ENTPD5: variants seen among roughly 807,000 people sequenced by gnomAD.
The protein encoded by ENTPD5 is ectonucleoside triphosphate diphosphohydrolase 5 (inactive).
Under a neutral mutation model 60.2 loss-of-function variants are expected in ENTPD5, and 49 were observed. The observed-to-expected ratio is 0.81, with a 90% CI of 0.65 to 1.03. The LOEUF is 1.03. ENTPD5 is among the 50% of genes least tolerant of loss of function. The pLI is 0.00. For synonymous variants in ENTPD5, 187 were observed against 185.4 expected, an observed-to-expected ratio of 1.01 and a Z score of -0.07; for missense variants, 480 against 507.6, an observed-to-expected ratio of 0.95 and a Z score of 0.52.
At chr14:73,998,357 G>A (rs942067938) in intron 3 of ENTPD5, among the ~76,000 whole-genome samples, 1 of 152,100 alleles carries the variant, frequency 6.6e-6, no homozygotes, top group African/African-American at 2.4e-5. Context: ...GCTCAGGGCT[G>A]CCTTTGCTCA....
downstream of ENTPD5, chr14:73,956,072 C>T: frequency 1.7e-6 from 2 of 1,207,808 alleles, no homozygotes; most frequent in Non-Finnish European, 2.4e-6. Context: ...CGCCTGTAAT[C>T]CCAGCACTTT....
chr14:74,006,654 C>T (rs144261147), intron 3 of ENTPD5, among the ~76,000 whole-genome samples: 147 of 150,848 alleles, frequency 9.7e-4, no homozygotes, highest in African/African-American at 3.2e-3. Context: ...GGTGCAGACA[C>T]AGCTCACTGC....
At chr14:73,955,958 A>C, downstream of ENTPD5, 1 of 1,613,572 alleles carries the variant, frequency 6.2e-7, no homozygotes, top group East Asian at 2.2e-5. Flanking sequence ...CCTTGCATTC[A>C]TTGGGAAGTG....
chr14:74,017,776 G>A (rs1390461685), intron 1 of ENTPD5, among the ~76,000 whole-genome samples: 1 of 148,264 alleles, frequency 6.7e-6, no homozygotes, highest in African/African-American at 2.5e-5. Context: ...GTCTGTTACT[G>A]GGGAGGCTGA....
intron 15 of ENTPD5, among the ~76,000 whole-genome samples, chr14:73,967,818 GA>G (rs79071732): frequency 2.7e-5 from 3 of 109,432 alleles, no homozygotes; most frequent in Non-Finnish European, 4.0e-5. Context: ...AAAAAAAAAA[GA>G]AAAAAAAAGA....
chr14:73,979,149 C>T (rs73301457), intron 6 of ENTPD5, among the ~76,000 whole-genome samples: 1,818 of 152,282 alleles, frequency 0.012, 33 homozygotes, highest in African/African-American at 0.042. Context: ...CCACAAATGT[C>T]TTGTGTAACT....
intron 3 of ENTPD5, among the ~76,000 whole-genome samples, chr14:73,991,416 C>T (rs1229651114): frequency 1.3e-5 from 2 of 151,882 alleles, no homozygotes; most frequent in Non-Finnish European, 2.9e-5. Context: ...GGTGAAACCC[C>T]CGTCTCTACT....
At chr14:73,992,741 G>A (rs2058186559) in intron 3 of ENTPD5, among the ~76,000 whole-genome samples, 1 of 151,434 alleles carries the variant, frequency 6.6e-6, no homozygotes, top group Non-Finnish European at 1.5e-5. Flanking sequence ...GGTGGCGCAC[G>A]CCTATCATCT....
At chr14:73,980,718 T>G (rs981368282) in intron 6 of ENTPD5, among the ~76,000 whole-genome samples, 5 of 152,238 alleles carry the variant, frequency 3.3e-5, no homozygotes, top group African/African-American at 9.6e-5. Flanking sequence ...ATAATGAGAT[T>G]CTGCTTATAT....
intron 3 of ENTPD5, among the ~76,000 whole-genome samples, chr14:73,990,500 AT>A (rs1345015845): frequency 1.3e-5 from 2 of 150,650 alleles, no homozygotes; most frequent in East Asian, 2.0e-4. Context: ...ATACCTGGCT[AT>A]TTTTTTTATT....
At chr14:74,014,145 T>C (rs1438211099) in intron 2 of ENTPD5, among the ~76,000 whole-genome samples, 1 of 152,182 alleles carries the variant, frequency 6.6e-6, no homozygotes, top group African/African-American at 2.4e-5. Context: ...CAGTAGTTAA[T>C]GATTATTTGT....
At position 73,966,132 on chromosome 14, in the gene ENTPD5, A is replaced by C. The variant is rs1214574478; in HGVS notation, c.*796T>G. The C allele has an allele frequency of 6.6e-6, 1 of 152,236 alleles. No homozygotes were observed. Among genetic ancestry groups the C allele is most frequent in the East Asian group, 1.9e-4 (1 of 5,204 alleles). The allele number at this position is 152,236 out of a possible 1,614,324, so 9.4% of individuals were successfully genotyped here. ...GTTTAGAATCATAGAAAACACTGTT[A>C]ACACATTAGCCTGGGAGGTGGTACT... On this transcript the variant is annotated 3_prime_UTR_variant, in exon 16 of 16. Transcript: ENST00000334696.
At chr14:73,958,128 T>C, downstream of ENTPD5, 1 of 1,611,512 alleles carries the variant, frequency 6.2e-7, no homozygotes, top group South Asian at 1.1e-5. Flanking sequence ...TTTTTTTTCC[T>C]CTCTTTTGAC....
At chr14:74,013,888 G>A (rs956121910) in intron 2 of ENTPD5, among the ~76,000 whole-genome samples, 9 of 152,094 alleles carry the variant, frequency 5.9e-5, no homozygotes, top group Non-Finnish European at 1.3e-4. Flanking sequence ...CAGACAAGTG[G>A]GCCTAAAACT....
At chr14:74,007,198 CT>C (rs2058703872) in intron 3 of ENTPD5, among the ~76,000 whole-genome samples, 1 of 151,892 alleles carries the variant, frequency 6.6e-6, no homozygotes, top group Admixed American at 6.6e-5. Context: ...GCCAGCCAAG[CT>C]AACATAGCAA....
At chr14:73,989,114 G>T (rs898865412) in intron 3 of ENTPD5, among the ~76,000 whole-genome samples, 2 of 151,368 alleles carry the variant, frequency 1.3e-5, no homozygotes, top group African/African-American at 4.8e-5. Context: ...AAGCCACCAC[G>T]CCCAGCCACT....
intron 2 of ENTPD5, among the ~76,000 whole-genome samples, chr14:74,011,999 A>T (rs1486949140): frequency 6.6e-6 from 1 of 152,190 alleles, no homozygotes; most frequent in Non-Finnish European, 1.5e-5. Flanking sequence ...ATGCAACATA[A>T]ATCTGAAGAT....
downstream of ENTPD5, among the ~76,000 whole-genome samples, chr14:73,957,241 G>A (rs1402193688): frequency 6.6e-6 from 1 of 151,988 alleles, no homozygotes; most frequent in Non-Finnish European, 1.5e-5. Context: ...GGGACTATAG[G>A]CGCCTGCCAC....
rs769740539 is a variant in ENTPD5 at position 73,977,299 on chromosome 14, C to T, written c.517G>A (p.Gly173Ser). 1 of 1,610,384 alleles carries T rather than the reference C, an allele frequency of 6.2e-7. No individual in the cohort carries two copies. Among genetic ancestry groups the T allele is most frequent in the Non-Finnish European group, 8.5e-7 (1 of 1,177,932 alleles). Reference protein sequence around the residue: ...SVSIMDGSDEGILAWVTVNFL... With the variant: ...SVSIMDGSDESILAWVTVNFL... Reference sequence around the variant, plus strand: ...GAACGCATATCAACACCTCTCCCACCTTCGTCGGATCCATCCATGATGCTA... The same window carrying T: ...GAACGCATATCAACACCTCTCCCACTTTCGTCGGATCCATCCATGATGCTA... Residue 173 changes from glycine (G) to serine (S), a missense_variant and splice_region_variant, in exon 7 of 16, where the codon GGC becomes AGC. Transcript: ENST00000334696.
Sources: gnomAD v4.1 joint callset for allele counts (sites outside exome capture counted in the v4.1 genomes callset) on GRCh38, gnomAD v4.1.1 for gene constraint, MANE v1.5 for transcripts, NCBI Gene and HGNC (gene_info 2026-07-23, HGNC 2026-07-21) for gene names.